ZNF251: variants seen among roughly 807,000 people sequenced by gnomAD.
ZNF251 encodes the protein zinc finger protein 251.
ZNF251 carries 14 observed loss-of-function variants against 13.5 expected under a neutral mutation model. The observed-to-expected ratio is 1.04, with a 90% CI of 0.69 to 1.63. The LOEUF is 1.63. ZNF251 is among the 40% of genes most tolerant of loss of function. ZNF251 has a pLI of 0.00. For synonymous variants in ZNF251, 287 were observed against 295.2 expected (o/e 0.97, Z 0.28); for missense variants, 764 against 834.9 (o/e 0.92, Z 1.05).
chr8:144,744,584 A>G (rs1400073364), intron 4 of ZNF251, among the ~76,000 whole-genome samples: 1 of 152,162 alleles, frequency 6.6e-6, no homozygotes, highest in East Asian at 1.9e-4. Flanking sequence ...TGAGGTCATG[A>G]GGGTCGTCAT....
rs765231794 is a variant in ZNF251, at chr8:144,721,890, C to T, written c.1770G>A (p.Gly590=). Reference sequence around the variant, plus strand: ...ATTCTTGACATTTATAGGGCTTTTCCCCAGCATGCATTATCTGATCTTCAG... The same window carrying T: ...ATTCTTGACATTTATAGGGCTTTTCTCCAGCATGCATTATCTGATCTTCAG... ...RPTEDQIMHA[G]EKPYKCQECG... Residue 590 remains glycine (G), a synonymous_variant, in exon 5 of 5, where the codon GGG becomes GGA. Transcript: ENST00000292562. 2.0e-6 allele frequency: 3 copies of T among 1,502,128 alleles called. No individual in the cohort carries two copies. Among genetic ancestry groups the T allele is most frequent in the Non-Finnish European group, 1.8e-6 (2 of 1,124,840 alleles). 93.0% of individuals were successfully genotyped at this position (1,502,128 alleles called of 1,614,324 possible).
In ZNF251 at chr8:144,723,216, T is replaced by C; in HGVS notation, c.444A>G (p.Gly148=). ...TGTTCAAACTCTGCCCGGCAGAATT[T>C]CCCACGCGCTCTTTGAGTTTGCCCT... ...GREGKLKERV[G]NSAGQSLNKP... Residue 148 remains glycine, a synonymous_variant, in exon 5 of 5, where the codon GGA becomes GGG. Transcript: ENST00000292562. The C allele has an allele frequency of 6.2e-7, 1 of 1,613,152 alleles. No homozygotes were observed. The highest frequency in any genetic ancestry group is 8.5e-7 in the Non-Finnish European group (1 of 1,179,520).
intron 4 of ZNF251, among the ~76,000 whole-genome samples, chr8:144,741,208 C>T (rs1038964683): frequency 2.0e-5 from 3 of 152,230 alleles, no homozygotes; most frequent in African/African-American, 7.2e-5. Flanking sequence ...GGGGCCAATA[C>T]TGACGATGGC....
intron 4 of ZNF251, among the ~76,000 whole-genome samples, chr8:144,740,287 A>C (rs1824098311): frequency 6.6e-6 from 1 of 151,950 alleles, no homozygotes; most frequent in African/African-American, 2.4e-5. Flanking sequence ...CTCCGTCTCA[A>C]AAATAATAAC....
intron 4 of ZNF251, among the ~76,000 whole-genome samples, chr8:144,726,843 C>T (rs1823533031): frequency 6.6e-6 from 1 of 151,926 alleles, no homozygotes; most frequent in South Asian, 2.1e-4. Context: ...GCACTCCAGC[C>T]TGGGCAACAG....
intron 4 of ZNF251, among the ~76,000 whole-genome samples, chr8:144,724,279 AAAAAAAAG>A (rs980037897): frequency 1.3e-5 from 2 of 151,618 alleles, no homozygotes; most frequent in African/African-American, 4.8e-5. Context: ...AAAAAAAAAA[AAAAAAAAG>A]AATTAAAGCA....
chr8:144,737,837 CAAAAAAAAA>C (rs56856212), intron 4 of ZNF251, among the ~76,000 whole-genome samples: 1 of 52,022 alleles, frequency 1.9e-5, no homozygotes, highest in African/African-American at 8.8e-5. Context: ...GACTCTGTCT[CAAAAAAAAA>C]AAAAAAAAAA....
At chr8:144,735,823 C>T (rs936876495) in intron 4 of ZNF251, among the ~76,000 whole-genome samples, 3 of 152,164 alleles carry the variant, frequency 2.0e-5, no homozygotes, top group Non-Finnish European at 4.4e-5. Context: ...ATGGGACTAT[C>T]TCCAGTCCTG....
intron 4 of ZNF251, among the ~76,000 whole-genome samples, chr8:144,752,304 C>G (rs974026070): frequency 6.6e-6 from 1 of 151,996 alleles, no homozygotes; most frequent in South Asian, 2.1e-4. Flanking sequence ...GGTCATAAAA[C>G]AAGAAGCAAC....
At chr8:144,754,648 G>C (rs1263877413) in intron 2 of ZNF251, 48 bp downstream of exon 2, 4 of 1,578,650 alleles carry the variant, frequency 2.5e-6, no homozygotes, top group South Asian at 1.2e-5. Context: ...CTTCTGACTG[G>C]GATGGGGATG....
chr8:144,726,861 TTC>T (rs1055998844), intron 4 of ZNF251, among the ~76,000 whole-genome samples: 16 of 151,796 alleles, frequency 1.1e-4, no homozygotes, highest in African/African-American at 3.9e-4. Flanking sequence ...CAGAGCAAGA[TTC>T]TGTCTCCAAA....
At chr8:144,723,606 G>A (rs564247866) in intron 4 of ZNF251, among the ~76,000 whole-genome samples, 10 of 152,234 alleles carry the variant, frequency 6.6e-5, no homozygotes, top group Middle Eastern at 3.4e-3. Context: ...AACAAATTAC[G>A]ATTTTTCACC....
chr8:144,748,796 C>G (rs374710866), intron 4 of ZNF251, among the ~76,000 whole-genome samples: 8 of 152,178 alleles, frequency 5.3e-5, no homozygotes, highest in Admixed American at 1.3e-4. Context: ...CTCCCAGGCT[C>G]AAGGGATCCT....
chr8:144,754,307 G>A lies in ZNF251; in HGVS notation c.48C>T (p.Thr16=). 6.2e-7 allele frequency: 1 copy of A among 1,609,786 alleles called. No homozygotes were observed. The highest frequency in any genetic ancestry group is 8.5e-7 in the Non-Finnish European group (1 of 1,178,040). Reference sequence around the variant, plus strand: ...AGAAGTACACGGCCACATCCTGGAAGGTCAGCGGCATCTCCTGCAACAAAA... The same window carrying A: ...AGAAGTACACGGCCACATCCTGGAAAGTCAGCGGCATCTCCTGCAACAAAA... ...QLPGHQEMPL[T]FQDVAVYFSQ... is the part of the protein sequence containing the mutation. The change falls in exon 3 of 5, where the codon ACC becomes ACT. Residue 16 remains threonine (T), a synonymous_variant. Transcript: ENST00000292562.
At chr8:144,726,041 A>G (rs2129932431) in intron 4 of ZNF251, among the ~76,000 whole-genome samples, 1 of 151,744 alleles carries the variant, frequency 6.6e-6, no homozygotes, top group South Asian at 2.1e-4. Flanking sequence ...TATCAAAAAT[A>G]CAAAAATTAG....
intron 4 of ZNF251, among the ~76,000 whole-genome samples, chr8:144,725,343 TAC>T (rs1178041089): frequency 1.3e-5 from 2 of 151,106 alleles, no homozygotes; most frequent in East Asian, 3.9e-4. Flanking sequence ...GGGCTTGGAG[TAC>T]AGTGTTGTGA....
At chr8:144,754,604 C>T (rs1190037027) in intron 2 of ZNF251, 92 bp downstream of exon 2, 2 of 1,498,570 alleles carry the variant, frequency 1.3e-6, no homozygotes, top group Admixed American at 2.5e-5. Context: ...CTGGCCTTAC[C>T]AGTTGCCGGG....
intron 4 of ZNF251, among the ~76,000 whole-genome samples, chr8:144,724,261 C>CAAAA (rs1175216003): frequency 8.4e-5 from 3 of 35,850 alleles, no homozygotes; most frequent in East Asian, 1.1e-3. Flanking sequence ...GACTCCGTCT[C>CAAAA]AAAAAAAAAA....
chr8:144,755,002 G>A, intron 1 of ZNF251, 199 bp from the exon 2 acceptor site: 1 of 1,392,388 alleles, frequency 7.2e-7, no homozygotes, highest in South Asian at 1.7e-5. Flanking sequence ...GGGATCCAGG[G>A]ACGCCCGGCT....
Sources: gnomAD v4.1 joint callset for allele counts (sites outside exome capture counted in the v4.1 genomes callset) on GRCh38, gnomAD v4.1.1 for gene constraint, MANE v1.5 for transcripts, NCBI Gene and HGNC (gene_info 2026-07-23, HGNC 2026-07-21) for gene names.